Variants in CDH26 observed in about 807,000 individuals in gnomAD.
CDH26 encodes the protein cadherin-like protein 26.
CDH26 carries 83 observed loss-of-function variants against 90.3 expected under a neutral mutation model. The observed-to-expected ratio is 0.92, with a 90% CI of 0.77 to 1.10. The LOEUF is 1.10. Ranked by LOEUF, CDH26 falls within the 50% of genes least tolerant of loss-of-function variation. CDH26 has a pLI of 0.00. For missense variants in CDH26, 1,013 were observed against 1,037.6 expected (o/e 0.98, Z 0.33); for synonymous variants, 397 against 396.3 (o/e 1.00, Z -0.02).
chr20:60,001,558 T>C, intron 15 of CDH26, 147 bp downstream of exon 15: 2 of 1,418,634 alleles, frequency 1.4e-6, no homozygotes, highest in South Asian at 1.5e-5. Context: ...CTGGGCTTTT[T>C]CCACCCGACT....
chr20:60,020,749 T>G (rs1328454334), intron 7 of CDH26, among the ~76,000 whole-genome samples: 1 of 151,908 alleles, frequency 6.6e-6, no homozygotes, highest in Non-Finnish European at 1.5e-5. Flanking sequence ...GCTCACAATG[T>G]GGGGGGTAAG....
chr20:59,964,668 C>T (rs531949670), intron 1 of CDH26, among the ~76,000 whole-genome samples: 55 of 152,312 alleles, frequency 3.6e-4, no homozygotes, highest in Middle Eastern at 6.8e-3. Context: ...AAATGAAACA[C>T]ACACAACAAT....
rs2061878348 is a variant in CDH26 at position 60,013,747 on chromosome 20, T to G, written c.*1017T>G. ...CTGGTGAATCAGTGAAGCATTATGTTAAACAGTGAGTTACAGCTCAGAGTT... is the reference window on the plus strand; with the variant it reads ...CTGGTGAATCAGTGAAGCATTATGTGAAACAGTGAGTTACAGCTCAGAGTT... On this transcript the variant is annotated 3_prime_UTR_variant, in exon 18 of 18. Coordinates refer to ENST00000348616, the MANE Select transcript of CDH26 (RefSeq NM_177980.4). 1 of 152,228 alleles carries G rather than the reference T, an allele frequency of 6.6e-6. No homozygotes were observed. Among genetic ancestry groups the G allele is most frequent in the Non-Finnish European group, 1.5e-5 (1 of 68,040 alleles). 9.4% of individuals were successfully genotyped at this position (152,228 alleles called of 1,614,324 possible).
intron 17 of CDH26, among the ~76,000 whole-genome samples, chr20:60,010,469 A>G (rs938226568): frequency 1.3e-5 from 2 of 152,132 alleles, no homozygotes; most frequent in African/African-American, 4.8e-5. Context: ...TAGAGGTATT[A>G]GAAGGTAAAT....
chr20:60,008,228 G>A (rs896868366), intron 17 of CDH26, among the ~76,000 whole-genome samples: 6 of 152,150 alleles, frequency 3.9e-5, no homozygotes, highest in Admixed American at 2.6e-4. Flanking sequence ...TGGCAAACAC[G>A]TGTATAATAC....
intron 7 of CDH26, among the ~76,000 whole-genome samples, chr20:60,026,986 C>T (rs899966607): frequency 3.3e-5 from 5 of 152,118 alleles, no homozygotes; most frequent in African/African-American, 1.2e-4. Context: ...TATTGGTATG[C>T]GGCTCCTGCA....
At chr20:59,968,023 CTG>C (rs2061198314) in intron 1 of CDH26, among the ~76,000 whole-genome samples, 10 of 118,366 alleles carry the variant, frequency 8.4e-5, no homozygotes, top group African/African-American at 3.7e-4. Flanking sequence ...TCCTTTCTCT[CTG>C]TCTCTCTCTC....
At chr20:59,993,884 C>T (rs914665429) in intron 10 of CDH26, among the ~76,000 whole-genome samples, 35 of 152,296 alleles carry the variant, frequency 2.3e-4, no homozygotes, top group African/African-American at 7.5e-4. Flanking sequence ...GGAGACGCAG[C>T]GCATTTGCCT....
At chr20:60,001,475 T>G in intron 15 of CDH26, 64 bp downstream of exon 15, 1 of 1,581,886 alleles carries the variant, frequency 6.3e-7, no homozygotes. Context: ...TTGGTCCCCC[T>G]GAGAGAGGGC....
chr20:59,966,678 G>A (rs2061153264), intron 1 of CDH26, among the ~76,000 whole-genome samples: 1 of 152,198 alleles, frequency 6.6e-6, no homozygotes, highest in African/African-American at 2.4e-5. Context: ...CAGCAAAATA[G>A]GCAAACAATG....
downstream of CDH26, among the ~76,000 whole-genome samples, chr20:60,017,663 T>C (rs2061916934): frequency 6.6e-6 from 1 of 152,052 alleles, no homozygotes; most frequent in Non-Finnish European, 1.5e-5. Context: ...TTTCATTTCT[T>C]CTTGAATTTC....
At position 60,030,082 on chromosome 20, in the gene CDH26, G is replaced by A. The variant is rs1450806714; in HGVS notation, c.948-1149G>A. 2.0e-5 allele frequency among the ~76,000 whole-genome samples: 3 copies of A among 151,940 alleles called. No homozygotes were observed. Among genetic ancestry groups the A allele is most frequent in the African/African-American group, 7.2e-5 (3 of 41,386 alleles). On this transcript the variant is annotated intron_variant, in intron 7 of 8. Coordinates refer to the CDH26 transcript ENST00000370991. The surrounding 1 kb of genome is among the most constrained non-coding windows in gnomAD (Gnocchi z 4.0). The stretch of plus-strand genomic sequence containing the variant: ...TCTGCCACCTTCCCCCACAACCCCT[G>A]GTTTTATTGAGGTATAACTGATATG...
chr20:59,970,861 A>G (rs1028912538), intron 3 of CDH26, among the ~76,000 whole-genome samples: 1 of 149,808 alleles, frequency 6.7e-6, no homozygotes, highest in Non-Finnish European at 1.5e-5. Flanking sequence ...AATAAGGGAG[A>G]TTGTCTTAAA....
chr20:59,964,765 G>A (rs188352127), intron 1 of CDH26, among the ~76,000 whole-genome samples: 1 of 152,274 alleles, frequency 6.6e-6, no homozygotes, highest in African/African-American at 2.4e-5. Flanking sequence ...TTACATGACT[G>A]TCAACTGTGC....
chr20:59,987,925 A>G (rs1449781437), intron 8 of CDH26, among the ~76,000 whole-genome samples: 1 of 152,236 alleles, frequency 6.6e-6, no homozygotes, highest in Non-Finnish European at 1.5e-5. Flanking sequence ...TAATAGATTT[A>G]CATAGGCCTT....
chr20:59,980,300 CTT>C (rs111703680), intron 4 of CDH26, among the ~76,000 whole-genome samples: 2 of 146,508 alleles, frequency 1.4e-5, no homozygotes. Flanking sequence ...TTGTTTTTGT[CTT>C]TTTTTTTTTG....
chr20:59,993,796 G>A (rs771718805), intron 10 of CDH26, among the ~76,000 whole-genome samples: 3 of 152,202 alleles, frequency 2.0e-5, no homozygotes, highest in Non-Finnish European at 4.4e-5. Flanking sequence ...AGTGGATCCT[G>A]AGTATCCTTT....
chr20:60,013,030 G>A lies in CDH26; in HGVS notation c.*300G>A, dbSNP rs1601210172. The A allele has an allele frequency of 1.2e-5, 3 of 257,694 alleles. No individual in the cohort carries two copies. In the South Asian group the frequency reaches 1.8e-4, roughly 16 times the overall value. The allele number at this position is 257,694 out of a possible 1,614,324, so 16.0% of individuals were successfully genotyped here. A position where few individuals can be genotyped will look rare whatever the true frequency, so the allele number is the denominator to read the frequency against. On this transcript the variant is annotated 3_prime_UTR_variant, in exon 18 of 18. Transcript: ENST00000348616. ...TGGCAGCCTAGCTTTGAGGGTAAATGAAAATATAACCCATAGATTACCCAG... is the reference window on the plus strand; with the variant it reads ...TGGCAGCCTAGCTTTGAGGGTAAATAAAAATATAACCCATAGATTACCCAG...
At chr20:60,015,192 G>A (rs1394307951), downstream of CDH26, among the ~76,000 whole-genome samples, 1 of 152,140 alleles carries the variant, frequency 6.6e-6, no homozygotes, top group African/African-American at 2.4e-5. Flanking sequence ...TGCCATGTTG[G>A]CCAGGCTGGT....
Sources: allele counts gnomAD v4.1 joint callset (sites outside exome capture counted in the v4.1 genomes callset), GRCh38; gene constraint gnomAD v4.1.1; non-coding constraint Gnocchi (gnomAD v3.1); transcripts MANE v1.5; gene names NCBI Gene and HGNC (gene_info 2026-07-23, HGNC 2026-07-21).